The following CHD5 variants were observed in gnomAD, a reference collection of about 807,000 sequenced individuals.
The protein encoded by CHD5 is chromodomain helicase DNA binding protein 5.
In CHD5, 69 loss-of-function variants were observed where a neutral mutation model predicts 230.3. The ratio of observed to expected loss-of-function variants is 0.30; its 90% confidence interval spans 0.25 to 0.37. The LOEUF is 0.37. Among genes scored for constraint, CHD5 ranks in the 10% least tolerant of loss-of-function variants. CHD5 has a pLI of 1.00. For synonymous variants in CHD5, 1,064 were observed against 1,065.9 expected (o/e 1.00, Z 0.03); for missense variants, 1,827 against 2,622.8 (o/e 0.70, Z 6.63).
rs776245328 is a variant in CHD5 at position 6,124,099 on chromosome 1, C to T, written c.4548G>A (p.Glu1516=). The change falls in exon 31 of 42, where the codon GAG becomes GAA. Residue 1516 remains glutamate, a synonymous_variant. Transcript: ENST00000262450. ...VMSLVRKKVQ[E]FEHVNGKYST... ...TGTACTTCCCGTTGACATGCTCAAACTCCTGAACCTGGGGTGGTGGGAGGG... is the reference window on the plus strand; with the variant it reads ...TGTACTTCCCGTTGACATGCTCAAATTCCTGAACCTGGGGTGGTGGGAGGG... 2 of 1,612,244 alleles carry T rather than the reference C, an allele frequency of 1.2e-6. No homozygotes were observed. The highest frequency in any genetic ancestry group is 1.7e-6 in the Non-Finnish European group (2 of 1,179,452).
chr1:6,130,363 G>A lies in CHD5; in HGVS notation c.3263-35C>T, dbSNP rs375045459. The A allele has an allele frequency of 1.9e-6, 3 of 1,608,298 alleles. No homozygotes were observed. Among genetic ancestry groups the A allele is most frequent in the Admixed American group, 3.3e-5 (2 of 59,878 alleles). On this transcript the variant is annotated intron_variant, in intron 21 of 41. Transcript: ENST00000262450. The surrounding 1 kb of genome is among the most constrained non-coding windows in gnomAD (Gnocchi z 4.9). The stretch of plus-strand genomic sequence containing the variant: ...AGAGGCCAGCAGATGGGAGTGTTTG[G>A]GGGGGTACACCTTGGGTGGGCAGAA...
In CHD5 at chr1:6,112,297, T is replaced by TTCAC; in HGVS notation, c.5003-21_5003-20insGTGA. ...TGTCATCTGCCGGGGACAGATCACA[T>TTCAC]TCATTCATCCATCCATCCAAAAAGC... On this transcript the variant is annotated intron_variant, in intron 34 of 41. Coordinates refer to ENST00000262450, the MANE Select transcript of CHD5 (RefSeq NM_015557.3). 6.2e-7 allele frequency: 1 copy of TTCAC among 1,609,626 alleles called. No homozygotes were observed. The highest frequency in any genetic ancestry group is 1.3e-5 in the African/African-American group (1 of 74,926).
At chr1:6,177,881 G>A (rs1405969668) in intron 1 of CHD5, among the ~76,000 whole-genome samples, 3 of 152,188 alleles carry the variant, frequency 2.0e-5, no homozygotes, top group Non-Finnish European at 4.4e-5. Context: ...AGTGGACCCG[G>A]GACAAGGGTT....
At chr1:6,176,882 A>G (rs1332864742) in intron 1 of CHD5, among the ~76,000 whole-genome samples, 4 of 152,116 alleles carry the variant, frequency 2.6e-5, no homozygotes, top group South Asian at 4.2e-4. Context: ...GGCTTCAACC[A>G]GCCACCCCAA....
rs1032866949 is a variant in CHD5, at chr1:6,126,107, C to A, written c.4079-249G>T. Reference sequence around the variant, plus strand: ...AAGGGACGTGCCCAAGGCCACGTCACGAGCAGTGGTGAAGTCACTGAACTG... The same window carrying A: ...AAGGGACGTGCCCAAGGCCACGTCAAGAGCAGTGGTGAAGTCACTGAACTG... On this transcript the variant is annotated intron_variant, in intron 26 of 41. Transcript: ENST00000262450. The surrounding 1 kb of genome is among the most constrained non-coding windows in gnomAD (Gnocchi z 5.7). 6.6e-6 allele frequency among the ~76,000 whole-genome samples: 1 copy of A among 152,144 alleles called. No homozygotes were observed. Among genetic ancestry groups the A allele is most frequent in the African/African-American group, 2.4e-5 (1 of 41,408 alleles).
In CHD5 at chr1:6,111,954, C is replaced by T. The variant is rs111411956; in HGVS notation, c.5141-71G>A. 209 of 1,458,108 alleles carry T rather than the reference C, an allele frequency of 1.4e-4. No homozygotes were observed. The African/African-American group carries it at 1.4e-3, about 10-fold the overall frequency. 90.3% of individuals were successfully genotyped at this position (1,458,108 alleles called of 1,614,324 possible). On this transcript the variant is annotated intron_variant, in intron 35 of 41. Transcript: ENST00000262450. The stretch of plus-strand genomic sequence containing the variant: ...TCACGCACAGGCAGGCTTGGAGAGC[C>T]GCTCCCTCCCTACTTGCCACTGCCT...
chr1:6,120,776 G>A (rs569268685), intron 33 of CHD5, among the ~76,000 whole-genome samples: 5 of 152,222 alleles, frequency 3.3e-5, no homozygotes, highest in South Asian at 2.1e-4. Flanking sequence ...GGTGGTACAC[G>A]CCTGTAGTCC....
intron 3 of CHD5, among the ~76,000 whole-genome samples, chr1:6,157,481 C>G (rs1667096796): frequency 6.6e-6 from 1 of 152,224 alleles, no homozygotes; most frequent in African/African-American, 2.4e-5. Context: ...CCCCTTGCCT[C>G]TTAGTTCTCA....
chr1:6,117,105 A>T (rs1666389933), intron 33 of CHD5, among the ~76,000 whole-genome samples: 1 of 152,180 alleles, frequency 6.6e-6, no homozygotes, highest in Non-Finnish European at 1.5e-5. Context: ...GGAAAAGAGG[A>T]GATATAAAGA....
chr1:6,112,257 TCTC>T lies in CHD5; in HGVS notation c.5020_5022del (p.Glu1674del). ...TTTTGCTGTGTTTCAATGGGCTCCT[TCTC>T]CTCAGCCTTGGTGTCATCTGCCGGG... On this transcript the variant is annotated inframe_deletion, in exon 35 of 42. Coordinates refer to ENST00000262450, the MANE Select transcript of CHD5 (RefSeq NM_015557.3). 3 of 1,614,144 alleles carry T rather than the reference TCTC, an allele frequency of 1.9e-6. No individual in the cohort carries two copies. Among genetic ancestry groups the T allele is most frequent in the Non-Finnish European group, 2.5e-6 (3 of 1,180,024 alleles).
At chr1:6,136,373 G>T in intron 17 of CHD5, 144 bp downstream of exon 17, 1 of 927,048 alleles carries the variant, frequency 1.1e-6, no homozygotes, top group Non-Finnish European at 1.7e-6. Flanking sequence ...GGAGGTCAAA[G>T]CGGGGACATT....
At position 6,136,935 on chromosome 1, in the gene CHD5, G is replaced by C. The variant is rs536898999; in HGVS notation, c.2437-70C>G. 3.6e-5 allele frequency: 54 copies of C among 1,495,538 alleles called. No individual in the cohort carries two copies. In the African/African-American group the frequency reaches 6.6e-4, roughly 18 times the overall value. 92.6% of individuals were successfully genotyped at this position (1,495,538 alleles called of 1,614,324 possible). A position where few individuals can be genotyped will look rare whatever the true frequency, so the allele number is the denominator to read the frequency against. ...GCGGATCACAGTCCCAGGAGACAAA[G>C]AGCCAAGAAGGAGGTGTGCACAGGA... On this transcript the variant is annotated intron_variant, in intron 15 of 41. Coordinates refer to ENST00000262450, the MANE Select transcript of CHD5 (RefSeq NM_015557.3).
At chr1:6,148,366 G>A (rs1666943860) in intron 9 of CHD5, among the ~76,000 whole-genome samples, 1 of 152,208 alleles carries the variant, frequency 6.6e-6, no homozygotes, top group East Asian at 1.9e-4. Context: ...CCCAGCCTTG[G>A]AACAGGAGCC....
In CHD5 at chr1:6,134,188, C is replaced by T. The variant is rs773961085; in HGVS notation, c.3084G>A (p.Leu1028=). The part of the protein sequence containing the change: ...SLVKSSGKLM[L]LQKMLKKLRD... ...GCAGTTTCTTCAGCATCTTCTGTAGCAGCATGAGCTTCCCTGAAGACTTGA... is the reference window on the plus strand; with the variant it reads ...GCAGTTTCTTCAGCATCTTCTGTAGTAGCATGAGCTTCCCTGAAGACTTGA... The change falls in exon 20 of 42, where the codon CTG becomes CTA. Residue 1028 remains leucine (L), a synonymous_variant. Coordinates refer to ENST00000262450, the MANE Select transcript of CHD5 (RefSeq NM_015557.3). This position sits in a 1 kb window ranked among gnomAD's most constrained non-coding sequence, Gnocchi z 6.3. The T allele has an allele frequency of 3.1e-6, 5 of 1,613,976 alleles. No homozygotes were observed. Among genetic ancestry groups the T allele is most frequent in the Non-Finnish European group, 4.2e-6 (5 of 1,179,994 alleles).
intron 2 of CHD5, among the ~76,000 whole-genome samples, chr1:6,164,641 T>C (rs572663048): frequency 6.6e-6 from 1 of 152,136 alleles, no homozygotes; most frequent in Non-Finnish European, 1.5e-5. Context: ...CTTGTCTTTA[T>C]CCTGGGGCTC....
At chr1:6,158,425 G>A (rs559771892) in intron 3 of CHD5, among the ~76,000 whole-genome samples, 1 of 152,318 alleles carries the variant, frequency 6.6e-6, no homozygotes, top group South Asian at 2.1e-4. Flanking sequence ...TCCATTTGTT[G>A]TTTTATTTTC....
chr1:6,152,307 G>A, intron 6 of CHD5, 105 bp downstream of exon 6: 1 of 1,335,246 alleles, frequency 7.5e-7, no homozygotes. Context: ...ACCTGCCCCA[G>A]CTAGTTTGTA....
chr1:6,159,184 G>T, intron 3 of CHD5, 152 bp downstream of exon 3: 1 of 1,383,574 alleles, frequency 7.2e-7, no homozygotes, highest in Non-Finnish European at 9.6e-7. Flanking sequence ...GTGAGCCGAG[G>T]TCACGCCACT....
rs200881726 is a variant in CHD5 at position 6,109,895 on chromosome 1, G to A, written c.5478C>T (p.Asn1826=). The change falls in exon 38 of 42, where the codon AAC becomes AAT. Residue 1826 remains asparagine, a synonymous_variant. Coordinates refer to ENST00000262450, the MANE Select transcript of CHD5 (RefSeq NM_015557.3). Reference sequence around the variant, plus strand: ...GGCACTCCACTTCAGCCAGGCGGGCGTTGAGGGCCATGGCGGGGTGGTTGG... The same window carrying A: ...GGCACTCCACTTCAGCCAGGCGGGCATTGAGGGCCATGGCGGGGTGGTTGG... ...QDPNHPAMAL[N]ARLAEVECLA... 325 of 1,612,152 alleles carry A rather than the reference G, an allele frequency of 2.0e-4. No homozygotes were observed. Among genetic ancestry groups the A allele is most frequent in the Non-Finnish European group, 2.6e-4 (311 of 1,179,386 alleles).
Sources: gnomAD v4.1 joint callset for allele counts (sites outside exome capture counted in the v4.1 genomes callset) on GRCh38, gnomAD v4.1.1 for gene constraint, Gnocchi (gnomAD v3.1) non-coding constraint, MANE v1.5 for transcripts, NCBI Gene and HGNC (gene_info 2026-07-23, HGNC 2026-07-21) for gene names.